The following DCAF12 variants were observed in gnomAD, a reference collection of about 807,000 sequenced individuals.
DCAF12 encodes the protein DDB1 and CUL4 associated factor 12.
DCAF12 carries 28 observed loss-of-function variants against 52.8 expected under a neutral mutation model. The ratio of observed to expected loss-of-function variants is 0.53; its 90% CI spans 0.39 to 0.73. The LOEUF is 0.73. DCAF12 is among the 30% of genes least tolerant of loss of function. The pLI, the probability that DCAF12 is intolerant of heterozygous loss-of-function variation, is 0.00. For synonymous variants in DCAF12, 196 were observed against 215.5 expected (o/e 0.91, Z 0.79); for missense variants, 425 against 552.2 (o/e 0.77, Z 2.31).
At chr9:34,108,484 G>A (rs1053640754) in intron 2 of DCAF12, among the ~76,000 whole-genome samples, 4 of 152,292 alleles carry the variant, frequency 2.6e-5, no homozygotes, top group Admixed American at 2.6e-4. Context: ...GAAACTAGGT[G>A]AGTCTTAAGT....
At chr9:34,093,577 A>AGTGTTATTTCTGT in intron 6 of DCAF12, 129 bp from the exon 7 acceptor site, 2 of 975,386 alleles carry the variant, frequency 2.1e-6, no homozygotes, top group Non-Finnish European at 3.1e-6. Flanking sequence ...CTGATTACAG[A>AGTGTTATTTCTGT]AATAACACTC....
intron 7 of DCAF12, among the ~76,000 whole-genome samples, chr9:34,090,599 A>G (rs557837297): frequency 6.6e-6 from 1 of 152,242 alleles, no homozygotes; most frequent in African/African-American, 2.4e-5. Context: ...AGTTACCCCC[A>G]TTAAACAGTA....
chr9:34,086,843 G>A lies in DCAF12; in HGVS notation c.*1507C>T, dbSNP rs1242911660. On this transcript the variant is annotated 3_prime_UTR_variant, in exon 9 of 9. Coordinates refer to ENST00000361264, the MANE Select transcript of DCAF12 (RefSeq NM_015397.4). ...TTTCCCTTCTTACACCCAGAGAAGA[G>A]GGGGACAACTGGGAGAACAAGTTAA... is the stretch of plus-strand genomic sequence containing the variant. 6.6e-6 allele frequency: 1 copy of A among 152,112 alleles called. No individual in the cohort carries two copies. The highest frequency in any genetic ancestry group is 1.5e-5 in the Non-Finnish European group (1 of 68,010). 9.4% of individuals were successfully genotyped at this position (152,112 alleles called of 1,614,324 possible).
intron 7 of DCAF12, among the ~76,000 whole-genome samples, chr9:34,092,193 T>A (rs369040572): frequency 1.8e-4 from 27 of 152,194 alleles, no homozygotes; most frequent in East Asian, 5.8e-4. Flanking sequence ...ATACGACACA[T>A]AAAGTATACA....
chr9:34,098,271 C>T, intron 5 of DCAF12, 53 bp downstream of exon 5: 2 of 1,568,210 alleles, frequency 1.3e-6, no homozygotes, highest in South Asian at 1.2e-5. Context: ...AGTGCATATC[C>T]CAAGACATAA....
intron 7 of DCAF12, among the ~76,000 whole-genome samples, chr9:34,092,697 C>T (rs868609654): frequency 1.4e-5 from 2 of 139,778 alleles, no homozygotes; most frequent in African/African-American, 5.1e-5. Flanking sequence ...AAAAAAAAAA[C>T]AACAACAACA....
At chr9:34,095,490 C>T (rs772739633) in intron 6 of DCAF12, among the ~76,000 whole-genome samples, 1 of 150,126 alleles carries the variant, frequency 6.7e-6, no homozygotes, top group South Asian at 2.1e-4. Flanking sequence ...AAGTGGTCCT[C>T]CTGCCTCAGC....
At chr9:34,119,291 T>TGATA (rs1414988038) in intron 2 of DCAF12, among the ~76,000 whole-genome samples, 2 of 152,196 alleles carry the variant, frequency 1.3e-5, no homozygotes, top group Non-Finnish European at 2.9e-5. Flanking sequence ...AAACGATACT[T>TGATA]TATCAACAAT....
At chr9:34,100,312 C>A (rs1828807246) in intron 4 of DCAF12, among the ~76,000 whole-genome samples, 1 of 151,150 alleles carries the variant, frequency 6.6e-6, no homozygotes, top group African/African-American at 2.4e-5. Flanking sequence ...CATTCTCCTG[C>A]CTCAGCCTCC....
rs954010263 is a variant in DCAF12, at chr9:34,088,133, T to C, written c.*217A>G. The C allele has an allele frequency of 5.0e-6, 2 of 402,150 alleles. No individual in the cohort carries two copies. The highest frequency in any genetic ancestry group is 8.7e-6 in the Non-Finnish European group (2 of 230,718). 24.9% of individuals were successfully genotyped at this position (402,150 alleles called of 1,614,324 possible). On this transcript the variant is annotated 3_prime_UTR_variant, in exon 9 of 9. Coordinates refer to ENST00000361264, the MANE Select transcript of DCAF12 (RefSeq NM_015397.4). The stretch of plus-strand genomic sequence containing the variant: ...TTGAAAAGCCAGAAATAATAAAAGA[T>C]AGTAAAATTTTGATTACCAAAGGGG...
intron 2 of DCAF12, among the ~76,000 whole-genome samples, chr9:34,123,970 C>G (rs959608300): frequency 6.6e-6 from 1 of 152,164 alleles, no homozygotes; most frequent in Non-Finnish European, 1.5e-5. Flanking sequence ...TGGCCCCAAC[C>G]ACCATGGTAT....
rs1202311956 is a variant in DCAF12, at chr9:34,126,623, C to T, written c.-192G>A. The T allele has an allele frequency of 3.1e-6, 2 of 642,116 alleles. No homozygotes were observed. The highest frequency in any genetic ancestry group is 3.2e-5 in the Admixed American group (1 of 31,588). 39.8% of individuals were successfully genotyped at this position (642,116 alleles called of 1,614,324 possible). A position where few individuals can be genotyped will look rare whatever the true frequency, so the allele number is the denominator to read the frequency against. ...AGGAAAGAGAGAGGAAGGACTTGAG[C>T]CGGGAAAGGGAAGGGGAAGCGAGAA... On this transcript the variant is annotated 5_prime_UTR_variant, in exon 1 of 9. Coordinates refer to ENST00000361264, the MANE Select transcript of DCAF12 (RefSeq NM_015397.4).
At chr9:34,091,077 G>A (rs1250108384) in intron 7 of DCAF12, among the ~76,000 whole-genome samples, 1 of 152,050 alleles carries the variant, frequency 6.6e-6, no homozygotes, top group African/African-American at 2.4e-5. Flanking sequence ...TGTAATCCCA[G>A]TACTTTGGGA....
chr9:34,093,276 G>C lies in DCAF12; in HGVS notation c.1024+10C>G, dbSNP rs16935392. 375,571 of 1,613,732 alleles carry C rather than the reference G, an allele frequency of 0.23. 44,579 individuals carry two copies. The highest frequency in any genetic ancestry group is 0.29 in the Admixed American group (17,425 of 59,998). On this transcript the variant is annotated intron_variant, in intron 7 of 8. Transcript: ENST00000361264. Reference sequence around the variant, plus strand: ...AGCTGTAGGCCTGAGGTGCACACAGGGACTCTTACCACTGCCTCGCTCCCT... The same window carrying C: ...AGCTGTAGGCCTGAGGTGCACACAGCGACTCTTACCACTGCCTCGCTCCCT...
rs972496255 is a variant in DCAF12 at position 34,096,575 on chromosome 9, G to A, written c.861+141C>T. The A allele has an allele frequency of 9.3e-6, 7 of 752,678 alleles. No homozygotes were observed. The African/African-American group carries it at 1.2e-4, about 13-fold the overall frequency. 46.6% of individuals were successfully genotyped at this position (752,678 alleles called of 1,614,324 possible). On this transcript the variant is annotated intron_variant, in intron 6 of 8. Coordinates refer to ENST00000361264, the MANE Select transcript of DCAF12 (RefSeq NM_015397.4). ...GCCAAGATTGCACCACTGCACTCCA[G>A]CCTGGGCATCAGAGCGAGACTCTGC...
chr9:34,114,843 T>C (rs988953767), intron 2 of DCAF12, among the ~76,000 whole-genome samples: 3 of 152,084 alleles, frequency 2.0e-5, no homozygotes, highest in African/African-American at 7.2e-5. Flanking sequence ...AGCAGGAACC[T>C]ATCGTCCCAG....
At chr9:34,120,134 C>T (rs1445631822) in intron 2 of DCAF12, among the ~76,000 whole-genome samples, 1 of 123,176 alleles carries the variant, frequency 8.1e-6, no homozygotes, top group African/African-American at 3.1e-5. Flanking sequence ...ACCTGGGAGG[C>T]GGAGGTTGCA....
At chr9:34,116,093 G>GA (rs1829084085) in intron 2 of DCAF12, among the ~76,000 whole-genome samples, 1 of 152,174 alleles carries the variant, frequency 6.6e-6, no homozygotes, top group Non-Finnish European at 1.5e-5. Flanking sequence ...GCTGGGTGCG[G>GA]TGGCTCACGC....
At chr9:34,094,529 A>T (rs1828701675) in intron 6 of DCAF12, among the ~76,000 whole-genome samples, 1 of 150,166 alleles carries the variant, frequency 6.7e-6, no homozygotes, top group Non-Finnish European at 1.5e-5. Context: ...GGATTTCTCC[A>T]GCTTTTTTTT....
Sources: allele counts gnomAD v4.1 joint callset (sites outside exome capture counted in the v4.1 genomes callset), GRCh38; gene constraint gnomAD v4.1.1; transcripts MANE v1.5; gene names NCBI Gene and HGNC (gene_info 2026-07-23, HGNC 2026-07-21).